Variants in GPR158 observed in about 807,000 individuals in gnomAD.
GPR158 encodes the protein metabotropic glycine receptor.
GPR158 carries 30 observed loss-of-function variants against 78.2 expected under a neutral mutation model. The observed-to-expected ratio is 0.38, with a 90% confidence interval of 0.29 to 0.52. The LOEUF (loss-of-function observed/expected upper bound fraction) is 0.52. Among genes scored for constraint, GPR158 ranks in the 20% least tolerant of loss-of-function variants. The probability of loss-of-function intolerance (pLI) is 0.83; values close to 1 mark genes in which losing one functional copy is unlikely to be tolerated. For synonymous variants in GPR158, 581 were observed against 591.1 expected (o/e 0.98, Z 0.25); for missense variants, 1,463 against 1,523.5 (o/e 0.96, Z 0.66).
At chr10:25,236,566 G>A (rs1234641467) in intron 2 of GPR158, among the ~76,000 whole-genome samples, 1 of 152,156 alleles carries the variant, frequency 6.6e-6, no homozygotes, top group African/African-American at 2.4e-5. Context: ...CCAACCACTT[G>A]CCTTCCATGA....
At chr10:25,529,788 T>A (rs1836399501) in intron 5 of GPR158, among the ~76,000 whole-genome samples, 1 of 152,170 alleles carries the variant, frequency 6.6e-6, no homozygotes, top group African/African-American at 2.4e-5. Context: ...ACTGGGACCA[T>A]GGCCTGATCT....
intron 3 of GPR158, among the ~76,000 whole-genome samples, chr10:25,409,659 A>G (rs997084629): frequency 1.3e-5 from 2 of 152,204 alleles, no homozygotes; most frequent in Non-Finnish European, 2.9e-5. Flanking sequence ...CTTAGAGTTA[A>G]TTTCTCCAAC....
intron 4 of GPR158, among the ~76,000 whole-genome samples, chr10:25,444,419 G>C (rs1274425059): frequency 1.3e-5 from 2 of 151,616 alleles, no homozygotes; most frequent in Non-Finnish European, 1.5e-5. Flanking sequence ...GTGAGTGTGA[G>C]TGTATGTGTG....
chr10:25,279,794 A>G (rs2781257), intron 2 of GPR158, among the ~76,000 whole-genome samples: 3,405 of 152,218 alleles, frequency 0.022, 54 homozygotes, highest in Non-Finnish European at 0.034. Context: ...TTTCTTACAT[A>G]CAACTGAGTT....
At chr10:25,241,192 TTCTTTCTTTCC>T (rs1853609058) in intron 2 of GPR158, among the ~76,000 whole-genome samples, 1 of 104,656 alleles carries the variant, frequency 9.6e-6, no homozygotes, top group Admixed American at 9.9e-5. Context: ...TTTCTTTCCT[TTCTTTCTTTCC>T]TTTCTTTCCT....
At chr10:25,256,127 C>T (rs1853885366) in intron 2 of GPR158, among the ~76,000 whole-genome samples, 1 of 151,612 alleles carries the variant, frequency 6.6e-6, no homozygotes, top group Non-Finnish European at 1.5e-5. Flanking sequence ...CATCTGCCAT[C>T]ATTATCTGGT....
intron 5 of GPR158, among the ~76,000 whole-genome samples, chr10:25,473,643 G>A (rs942440946): frequency 5.9e-5 from 9 of 152,216 alleles, no homozygotes; most frequent in East Asian, 1.9e-4. Flanking sequence ...CCTGTTATTA[G>A]TCTATTCTGG....
chr10:25,275,072 A>T (rs901009435), intron 2 of GPR158, among the ~76,000 whole-genome samples: 3 of 152,210 alleles, frequency 2.0e-5, no homozygotes, highest in African/African-American at 7.2e-5. Context: ...AATTCTGATT[A>T]TATAGCCTGT....
chr10:25,405,498 C>CTTTTTTTTTTTTTTTTT (rs59695469), intron 3 of GPR158, among the ~76,000 whole-genome samples: 3 of 45,532 alleles, frequency 6.6e-5, no homozygotes, highest in East Asian at 6.6e-4. Context: ...AAACAATTTC[C>CTTTTTTTTTTTTTTTTT]TTTTTTTTTT....
intron 2 of GPR158, among the ~76,000 whole-genome samples, chr10:25,257,483 A>G (rs950130750): frequency 1.3e-5 from 2 of 152,204 alleles, no homozygotes; most frequent in Non-Finnish European, 2.9e-5. Context: ...TCGGCTATTT[A>G]GAGAAGGAAA....
chr10:25,546,110 A>T (rs1271168195), intron 5 of GPR158, among the ~76,000 whole-genome samples: 1 of 152,084 alleles, frequency 6.6e-6, no homozygotes, highest in Non-Finnish European at 1.5e-5. Context: ...GCAGGGAATG[A>T]CCACTGTGTC....
chr10:25,465,355 T>C (rs890062597), intron 4 of GPR158, among the ~76,000 whole-genome samples: 1 of 152,206 alleles, frequency 6.6e-6, no homozygotes, highest in Non-Finnish European at 1.5e-5. Context: ...ATATATTTGC[T>C]CTATATTGAT....
intron 5 of GPR158, among the ~76,000 whole-genome samples, chr10:25,523,576 C>T (rs541723177): frequency 3.3e-5 from 5 of 152,270 alleles, no homozygotes; most frequent in African/African-American, 1.2e-4. Context: ...TCCTCGAATT[C>T]TAATGTTTTT....
chr10:25,423,977 T>A (rs1435413012), intron 4 of GPR158, among the ~76,000 whole-genome samples: 1 of 152,204 alleles, frequency 6.6e-6, no homozygotes, highest in Non-Finnish European at 1.5e-5. Flanking sequence ...TCCACAGTGG[T>A]TGAACTAATT....
In GPR158 at chr10:25,175,695, A is replaced by G. The variant is rs1467257482; in HGVS notation, c.275A>G (p.His92Arg). 1 of 1,611,694 alleles carries G rather than the reference A, an allele frequency of 6.2e-7. No individual in the cohort carries two copies. The highest frequency in any genetic ancestry group is 8.5e-7 in the Non-Finnish European group (1 of 1,179,954). ...TCTTACCTCTACACCGGGGACTCCC[A>G]CCAGCTGAAGCGAGCCAACTGCTCC... is the stretch of plus-strand genomic sequence containing the variant. Reference protein sequence around the residue: ...VASYLYTGDSHQLKRANCSGR... With the variant: ...VASYLYTGDSRQLKRANCSGR... Residue 92 changes from histidine (H) to arginine (R), a missense_variant, in exon 1 of 11, where the codon CAC becomes CGC. Physicochemically the swap from His to Arg is conservative, Grantham distance 29. Transcript: ENST00000376351. The surrounding 1 kb of genome is among the most constrained non-coding windows in gnomAD (Gnocchi z 6.4).
chr10:25,533,483 C>T (rs1836452239), intron 5 of GPR158, among the ~76,000 whole-genome samples: 1 of 152,192 alleles, frequency 6.6e-6, no homozygotes, highest in South Asian at 2.1e-4. Context: ...TTTCTCATGA[C>T]TATGGCTGTA....
At chr10:25,246,605 A>G (rs947277501) in intron 2 of GPR158, among the ~76,000 whole-genome samples, 1 of 152,218 alleles carries the variant, frequency 6.6e-6, no homozygotes. Context: ...CCTGCCTGCA[A>G]AGAGCTTGAC....
intron 4 of GPR158, among the ~76,000 whole-genome samples, chr10:25,417,935 A>G (rs1455300890): frequency 2.6e-5 from 4 of 152,154 alleles, no homozygotes; most frequent in Non-Finnish European, 5.9e-5. Context: ...TCATATGTGC[A>G]CCGTATGTCA....
intron 1 of GPR158, among the ~76,000 whole-genome samples, chr10:25,189,463 A>T (rs1012836145): frequency 6.6e-6 from 1 of 152,226 alleles, no homozygotes; most frequent in Admixed American, 6.5e-5. Context: ...GCCATAAAAA[A>T]GGATGAGTTC....
Sources: gnomAD v4.1 joint callset for allele counts (sites outside exome capture counted in the v4.1 genomes callset) on GRCh38, gnomAD v4.1.1 for gene constraint, Gnocchi (gnomAD v3.1) non-coding constraint, MANE v1.5 for transcripts, NCBI Gene and HGNC (gene_info 2026-07-23, HGNC 2026-07-21) for gene names.